Variants in MYO1F observed in about 807,000 individuals in gnomAD.
MYO1F encodes the protein unconventional myosin-If.
Under a neutral mutation model 146.6 loss-of-function variants are expected in MYO1F, and 60 were observed. The ratio of observed to expected loss-of-function variants is 0.41; its 90% CI spans 0.33 to 0.51. MYO1F has a LOEUF of 0.51. Among genes scored for constraint, MYO1F ranks in the 20% least tolerant of loss-of-function variants. The pLI, the probability that MYO1F is intolerant of heterozygous loss-of-function variation, is 0.25. For synonymous variants in MYO1F, 602 were observed against 602.1 expected (o/e 1.00, Z 0.00); for missense variants, 1,274 against 1,534.3 (o/e 0.83, Z 2.83).
chr19:8,568,654 G>A (rs2042054064), intron 1 of MYO1F, among the ~76,000 whole-genome samples: 1 of 151,996 alleles, frequency 6.6e-6, no homozygotes, highest in African/African-American at 2.4e-5. Context: ...GCGCATGGTG[G>A]CTCACGCCTG....
chr19:8,541,877 C>T (rs746240186), intron 15 of MYO1F, 29 bp downstream of exon 15: 40 of 1,595,320 alleles, frequency 2.5e-5, no homozygotes, highest in Non-Finnish European at 3.2e-5. Flanking sequence ...GGGTTGTAGC[C>T]GGAGGTCCCC....
At chr19:8,533,810 T>TA (rs1362705499) in intron 19 of MYO1F, among the ~76,000 whole-genome samples, 1 of 152,198 alleles carries the variant, frequency 6.6e-6, no homozygotes, top group Admixed American at 6.6e-5. Flanking sequence ...CAGACTATTA[T>TA]AACATACCTG....
chr19:8,548,757 C>A (rs1488983153), intron 10 of MYO1F, among the ~76,000 whole-genome samples: 1 of 151,654 alleles, frequency 6.6e-6, no homozygotes, highest in East Asian at 1.9e-4. Flanking sequence ...CCTGCCACCA[C>A]GCCCGGCTAA....
intron 1 of MYO1F, among the ~76,000 whole-genome samples, chr19:8,574,707 TTC>T (rs1207056232): frequency 2.7e-5 from 4 of 149,840 alleles, no homozygotes; most frequent in African/African-American, 9.8e-5. Context: ...CTCTCTTTCT[TTC>T]TTTTTCTTTC....
At chr19:8,531,737 G>T (rs11882393) in intron 19 of MYO1F, among the ~76,000 whole-genome samples, 44,736 of 152,096 alleles carry the variant, frequency 0.29, 10,031 homozygotes, top group African/African-American at 0.62. Flanking sequence ...ACTGTTACTC[G>T]ACACTATCCA....
rs369113604 is a variant in MYO1F, at chr19:8,545,622, C to A, written c.1356+28G>T. 1.0e-5 allele frequency: 16 copies of A among 1,589,144 alleles called. No individual in the cohort carries two copies. In the African/African-American group the frequency reaches 2.2e-4, roughly 21 times the overall value. On this transcript the variant is annotated intron_variant, in intron 13 of 27. Transcript: ENST00000644032. ...CTCAGCTCAGGGGACCAGTGAGACG[C>A]CCCCGCCAAAGTTGACCCAGCCCTC...
chr19:8,562,244 G>A (rs764117885), intron 1 of MYO1F, among the ~76,000 whole-genome samples: 16 of 151,252 alleles, frequency 1.1e-4, no homozygotes, highest in East Asian at 7.8e-4. Flanking sequence ...CTCGTTACCC[G>A]CCCGCCTTGG....
chr19:8,551,566 G>A (rs894503201), intron 8 of MYO1F, 174 bp downstream of exon 8: 10 of 859,790 alleles, frequency 1.2e-5, no homozygotes, highest in East Asian at 5.3e-5. Context: ...TGGCCAGGCC[G>A]GTCTTAAACT....
intron 1 of MYO1F, among the ~76,000 whole-genome samples, chr19:8,567,996 C>T (rs1168894752): frequency 5.9e-5 from 9 of 152,240 alleles, no homozygotes; most frequent in Non-Finnish European, 1.3e-4. Flanking sequence ...GCTCTGACGA[C>T]TTGGTTCCTC....
In MYO1F at chr19:8,530,142, G is replaced by A; in HGVS notation, c.2328+54C>T. 3 of 1,610,636 alleles carry A rather than the reference G, an allele frequency of 1.9e-6. No individual in the cohort carries two copies. Reference sequence around the variant, plus strand: ...GTGGGCAGGTGCATCTGGGCCAGGTGAGGGTGCCAGGCTGTAGTCAGGGTC... The same window carrying A: ...GTGGGCAGGTGCATCTGGGCCAGGTAAGGGTGCCAGGCTGTAGTCAGGGTC... On this transcript the variant is annotated intron_variant, in intron 21 of 27. Transcript: ENST00000644032. This position sits in a 1 kb window ranked among gnomAD's most constrained non-coding sequence, Gnocchi z 5.8.
intron 15 of MYO1F, chr19:8,540,339 TTTTA>T (rs144925962): frequency 3.9e-5 from 9 of 232,868 alleles, no homozygotes; most frequent in African/African-American, 1.4e-4. Context: ...TTTTATCTTA[TTTTA>T]TTTATTTATT....
chr19:8,561,245 G>A (rs1164984011), intron 1 of MYO1F, among the ~76,000 whole-genome samples: 1 of 152,008 alleles, frequency 6.6e-6, no homozygotes, highest in Non-Finnish European at 1.5e-5. Context: ...AACTGTCTGG[G>A]GAAAGGTGTG....
chr19:8,547,718 G>A (rs1009072792), intron 12 of MYO1F: 2 of 346,628 alleles, frequency 5.8e-6, no homozygotes, highest in South Asian at 3.0e-5. Flanking sequence ...CTCTGCTTCT[G>A]GGGGAGGGGC....
At chr19:8,535,062 C>G (rs968248091) in intron 19 of MYO1F, among the ~76,000 whole-genome samples, 6 of 152,034 alleles carry the variant, frequency 3.9e-5, no homozygotes, top group African/African-American at 1.5e-4. Flanking sequence ...CAGGTGTGCA[C>G]CACCACGCCC....
chr19:8,527,070 A>C, intron 22 of MYO1F, 135 bp from the exon 23 acceptor site: 1 of 1,219,688 alleles, frequency 8.2e-7, no homozygotes, highest in Non-Finnish European at 1.2e-6. Context: ...CAGGTAGGAG[A>C]AAAAGGGGGA....
chr19:8,532,086 C>G (rs539686166), intron 19 of MYO1F, among the ~76,000 whole-genome samples: 2 of 151,910 alleles, frequency 1.3e-5, no homozygotes, highest in Admixed American at 1.3e-4. Context: ...CCACTGCACT[C>G]CAGCCTGGGC....
intron 25 of MYO1F, 147 bp downstream of exon 25, chr19:8,525,332 T>C: frequency 2.8e-6 from 2 of 718,172 alleles, no homozygotes; most frequent in Non-Finnish European, 4.7e-6. Flanking sequence ...TAGCCTTTAT[T>C]CTGCGGGAGA....
rs368926502 is a variant in MYO1F at position 8,541,955 on chromosome 19, G to A, written c.1561C>T (p.Arg521Ter). The A allele has an allele frequency of 4.3e-6, 7 of 1,613,514 alleles. No homozygotes were observed. Among genetic ancestry groups the A allele is most frequent in the Non-Finnish European group, 5.1e-6 (6 of 1,179,992 alleles). The change falls in exon 15 of 28, where the codon CGA becomes TGA. Residue 521 changes from arginine (R) to a stop codon, truncating the protein, a stop_gained. Transcript: ENST00000644032. LOFTEE classifies it high-confidence loss of function. Reference protein sequence around the residue: ...YDVSGFCERNRDVLFSDLIEL... With the variant: ...YDVSGFCERN ...ATGAGGTCGGAGAAGAGAACGTCTC[G>A]GTTCCTCTCGCAGAAGCCGCTGACG...
chr19:8,521,043 T>A lies in MYO1F; in HGVS notation c.*485A>T, dbSNP rs1305177832. On this transcript the variant is annotated 3_prime_UTR_variant, in exon 28 of 28. Transcript: ENST00000644032. Reference sequence around the variant, plus strand: ...TGTTCCACCTGTAAGATGGGGTCCTTCACAGCTCCTACCTCACAGGGCTGT... The same window carrying A: ...TGTTCCACCTGTAAGATGGGGTCCTACACAGCTCCTACCTCACAGGGCTGT... 1.1e-5 allele frequency: 3 copies of A among 262,914 alleles called. No homozygotes were observed. Among genetic ancestry groups the A allele is most frequent in the African/African-American group, 6.6e-5 (3 of 45,230 alleles). 16.3% of individuals were successfully genotyped at this position (262,914 alleles called of 1,614,324 possible).
Sources: allele counts gnomAD v4.1 joint callset (sites outside exome capture counted in the v4.1 genomes callset), GRCh38; gene constraint gnomAD v4.1.1; non-coding constraint Gnocchi (gnomAD v3.1); transcripts MANE v1.5; gene names NCBI Gene and HGNC (gene_info 2026-07-23, HGNC 2026-07-21).